ATP8B1: variants seen among roughly 807,000 people sequenced by gnomAD.
ATP8B1 encodes phospholipid-transporting ATPase IC.
In ATP8B1, 80 loss-of-function variants were observed where a neutral mutation model predicts 149.9. The ratio of observed to expected loss-of-function variants is 0.53; its 90% CI spans 0.45 to 0.64. The LOEUF (loss-of-function observed/expected upper bound fraction) is 0.64. ATP8B1 is among the 30% of genes least tolerant of loss of function. The pLI, the probability that ATP8B1 is intolerant of heterozygous loss-of-function variation, is 0.00. For missense variants in ATP8B1, 1,247 were observed against 1,552.6 expected, an observed-to-expected ratio of 0.80 and a Z score of 3.31; for synonymous variants, 536 against 562.8, an observed-to-expected ratio of 0.95 and a Z score of 0.67.
chr18:57,671,186 G>A (rs1014840972), intron 17 of ATP8B1, among the ~76,000 whole-genome samples: 3 of 152,138 alleles, frequency 2.0e-5, no homozygotes, highest in African/African-American at 7.2e-5. Flanking sequence ...GCTTGCTCAA[G>A]GCCACTGGAA....
chr18:57,801,801 C>G (rs998534703), intron 1 of ATP8B1: 5 of 152,190 alleles, frequency 3.3e-5, no homozygotes, highest in Admixed American at 1.3e-4. Context: ...AATATTTTCT[C>G]ACGCCAACAG....
chr18:57,686,312 A>G (rs1912241867), intron 13 of ATP8B1, among the ~76,000 whole-genome samples: 1 of 152,074 alleles, frequency 6.6e-6, no homozygotes, highest in Non-Finnish European at 1.5e-5. Context: ...AATACACATA[A>G]TAAAATTTAC....
intron 1 of ATP8B1, among the ~76,000 whole-genome samples, chr18:57,746,201 G>A (rs1458165165): frequency 6.6e-6 from 1 of 152,136 alleles, no homozygotes; most frequent in East Asian, 1.9e-4. Flanking sequence ...ATTAATAATA[G>A]CTATCCACTC....
chr18:57,794,463 TAAAAAAA>T (rs58976028), intron 1 of ATP8B1, among the ~76,000 whole-genome samples: 5 of 110,444 alleles, frequency 4.5e-5, no homozygotes, highest in Admixed American at 1.9e-4. Flanking sequence ...AACCTGACAT[TAAAAAAA>T]AAAAAAAAAA....
chr18:57,682,832 A>G (rs1453688791), intron 15 of ATP8B1, among the ~76,000 whole-genome samples: 4 of 151,892 alleles, frequency 2.6e-5, no homozygotes, highest in Non-Finnish European at 4.4e-5. Context: ...GCTTCTATAC[A>G]TTTAGGTGTT....
chr18:57,726,237 A>AAAC (rs1024592808), intron 2 of ATP8B1, among the ~76,000 whole-genome samples: 11 of 152,084 alleles, frequency 7.2e-5, no homozygotes, highest in Non-Finnish European at 1.5e-4. Context: ...AAACAAAAAC[A>AAAC]AACAACAACA....
intron 1 of ATP8B1, among the ~76,000 whole-genome samples, chr18:57,799,581 C>T (rs927703550): frequency 1.3e-5 from 2 of 151,780 alleles, no homozygotes; most frequent in South Asian, 2.1e-4. Context: ...TGGTGGCACA[C>T]GCCTGTGATC....
At chr18:57,704,069 C>G (rs1192654158) in intron 4 of ATP8B1, among the ~76,000 whole-genome samples, 1 of 151,906 alleles carries the variant, frequency 6.6e-6, no homozygotes. Flanking sequence ...TGGGTTCAAG[C>G]GATTCTCTTG....
rs192861404 is a variant in ATP8B1, at chr18:57,656,447, G to A, written c.2708-1030C>T. 5.4e-5 allele frequency among the ~76,000 whole-genome samples: 8 copies of A among 149,394 alleles called. No homozygotes were observed. In the East Asian group the frequency reaches 7.9e-4, roughly 15 times the overall value. ...GTCACCCAGGCTGCAGTGCAATGGC[G>A]CAGTCTTGGCTCACTGCAACCTCTG... On this transcript the variant is annotated intron_variant, in intron 22 of 27. Coordinates refer to ENST00000648908, the MANE Select transcript of ATP8B1 (RefSeq NM_001374385.1).
intron 16 of ATP8B1, among the ~76,000 whole-genome samples, chr18:57,672,931 T>TAG (rs1301236712): frequency 9.0e-5 from 3 of 33,198 alleles, no homozygotes; most frequent in East Asian, 2.2e-3. Context: ...TATATATATA[T>TAG]AACATGTATA....
intron 18 of ATP8B1, chr18:57,668,975 C>A: frequency 4.8e-6 from 1 of 210,232 alleles, no homozygotes; most frequent in Non-Finnish European, 9.3e-6. Context: ...CAAGATTTTG[C>A]AGAATATGAA....
chr18:57,732,129 G>GTATATATATGTA (rs368854552), intron 1 of ATP8B1: 6 of 41,472 alleles, frequency 1.4e-4, no homozygotes, highest in African/African-American at 2.3e-4. Flanking sequence ...ATATATATGT[G>GTATATATATGTA]TATATGTATA....
At position 57,674,968 on chromosome 18, in the gene ATP8B1, G is replaced by A; in HGVS notation, c.1685C>T (p.Ala562Val). Residue 562 changes from alanine to valine, a missense_variant, in exon 16 of 28, where the codon GCC (alanine) becomes GTC (valine). This residue lies in a region of ATP8B1 where 853 missense variants were observed against 1,035.7 expected (regional missense o/e 0.82). Coordinates refer to ENST00000648908, the MANE Select transcript of ATP8B1 (RefSeq NM_001374385.1). ...GAGGAAGGCAAAGCCAAAGTTCCTG[G>A]CAGCGTTTACCAGGGCACCTTCATC... ...SPDEGALVNA[A>V]RNFGFAFLAR... The A allele has an allele frequency of 6.2e-7, 1 of 1,614,246 alleles. No homozygotes were observed. Among genetic ancestry groups the A allele is most frequent in the Non-Finnish European group, 8.5e-7 (1 of 1,180,040 alleles).
chr18:57,648,689 C>T lies in ATP8B1; in HGVS notation c.3555G>A (p.Leu1185=). The T allele has an allele frequency of 6.4e-7, 1 of 1,559,038 alleles. No homozygotes were observed. The highest frequency in any genetic ancestry group is 8.7e-7 in the Non-Finnish European group (1 of 1,152,214). The part of the protein sequence containing the change: ...SDKIQKHRKR[L]KAEEQWQRRQ... ...GTCGCTGCCACTGCTCCTCCGCCTT[C>T]AACCGCTTGCGATGCTTCTGGATCT... The change falls in exon 28 of 28, where the codon TTG becomes TTA. Residue 1185 remains leucine (L), a synonymous_variant. Transcript: ENST00000648908.
At chr18:57,654,194 T>TG (rs1315368944) in intron 23 of ATP8B1, 119 bp from the exon 24 acceptor site, 11 of 941,326 alleles carry the variant, frequency 1.2e-5, no homozygotes, top group East Asian at 5.2e-5. Flanking sequence ...TTAATAGAGA[T>TG]GGGGGTCTTG....
chr18:57,793,172 T>C (rs1395055590), intron 1 of ATP8B1, among the ~76,000 whole-genome samples: 1 of 152,154 alleles, frequency 6.6e-6, no homozygotes, highest in Non-Finnish European at 1.5e-5. Flanking sequence ...CGACCCAGGT[T>C]CTGCTGAGAA....
chr18:57,649,188 C>CTG (rs1375443448), intron 27 of ATP8B1, among the ~76,000 whole-genome samples: 12 of 39,696 alleles, frequency 3.0e-4, no homozygotes, highest in African/African-American at 7.9e-4. Context: ...CAGTGCTTGG[C>CTG]TATATCTATC....
chr18:57,672,931 T>TATATATATATAAAA (rs1301236712), intron 16 of ATP8B1, among the ~76,000 whole-genome samples: 1 of 33,218 alleles, frequency 3.0e-5, no homozygotes, highest in Non-Finnish European at 4.9e-5. Flanking sequence ...TATATATATA[T>TATATATATATAAAA]AACATGTATA....
intron 15 of ATP8B1, among the ~76,000 whole-genome samples, chr18:57,683,011 G>A (rs1018559302): frequency 4.6e-5 from 7 of 151,928 alleles, no homozygotes; most frequent in African/African-American, 1.2e-4. Flanking sequence ...GTATTTTTTG[G>A]TGAGATGGAG....
Sources: gnomAD v4.1 joint callset for allele counts (sites outside exome capture counted in the v4.1 genomes callset) on GRCh38, gnomAD v4.1.1 for gene constraint, gnomAD v4.1.1 regional missense constraint, MANE v1.5 for transcripts, NCBI Gene and HGNC (gene_info 2026-07-23, HGNC 2026-07-21) for gene names.